MARK2: variants seen among roughly 807,000 people sequenced by gnomAD.
The protein encoded by MARK2 is microtubule affinity regulating kinase 2.
Under a neutral mutation model 89.8 loss-of-function variants are expected in MARK2, and 16 were observed. The ratio of observed to expected loss-of-function variants is 0.18; its 90% CI spans 0.12 to 0.27. The LOEUF is 0.27. Among genes scored for constraint, MARK2 ranks in the 10% least tolerant of loss-of-function variants. The probability of loss-of-function intolerance (pLI) is 1.00; values close to 1 mark genes in which losing one functional copy is unlikely to be tolerated. For synonymous variants in MARK2, 382 were observed against 399.5 expected, an observed-to-expected ratio of 0.96 and a Z score of 0.52; for missense variants, 621 against 1,049.9, an observed-to-expected ratio of 0.59 and a Z score of 5.65.
At chr11:63,856,321 GT>G (rs1358748879) in intron 1 of MARK2, among the ~76,000 whole-genome samples, 6,395 of 52,642 alleles carry the variant, frequency 0.12, 461 homozygotes, top group African/African-American at 0.26. Flanking sequence ...TTTTTTTTTT[GT>G]TTTTTTTTTT....
chr11:63,884,878 A>T lies in MARK2; in HGVS notation c.55-10281A>T, dbSNP rs141322074. Among the ~76,000 whole-genome samples the T allele has an allele frequency of 2.6e-3, 389 of 152,344 alleles. 1 individual carries two copies. Among genetic ancestry groups the T allele is most frequent in the Non-Finnish European group, 4.7e-3 (317 of 68,030 alleles). ...GATACAGTGAGGGAGGAAGGGTTAAAAAACAAAGGACTCCAACTCCCAGTT... is the reference window on the plus strand; with the variant it reads ...GATACAGTGAGGGAGGAAGGGTTAATAAACAAAGGACTCCAACTCCCAGTT... On this transcript the variant is annotated intron_variant, in intron 1 of 18. Transcript: ENST00000402010.
At chr11:63,867,690 G>A (rs950721721) in intron 1 of MARK2, among the ~76,000 whole-genome samples, 1 of 152,228 alleles carries the variant, frequency 6.6e-6, no homozygotes, top group African/African-American at 2.4e-5. Context: ...CTAAATGACT[G>A]GTTCTTCAGT....
chr11:63,871,603 C>G (rs1264801297), intron 1 of MARK2, among the ~76,000 whole-genome samples: 14 of 132,610 alleles, frequency 1.1e-4, no homozygotes, highest in Non-Finnish European at 2.1e-4. Context: ...GCACGTGTGG[C>G]TGAAGAGTAT....
At chr11:63,843,930 C>T (rs967095035) in intron 1 of MARK2, among the ~76,000 whole-genome samples, 1 of 152,114 alleles carries the variant, frequency 6.6e-6, no homozygotes, top group African/African-American at 2.4e-5. Context: ...GGCTAGCTAG[C>T]ATCTCAGTCC....
intron 7 of MARK2, 25 bp downstream of exon 7, chr11:63,899,133 C>T (rs1940656438): frequency 6.4e-7 from 1 of 1,551,456 alleles, no homozygotes; most frequent in Non-Finnish European, 8.9e-7. Context: ...TCTCCTTGTG[C>T]CTTTGAGTGG....
At chr11:63,868,537 A>G (rs539375114) in intron 1 of MARK2, 4 of 305,680 alleles carry the variant, frequency 1.3e-5, no homozygotes, top group Non-Finnish European at 6.6e-6. Flanking sequence ...ATGAGGGAGA[A>G]AATTTACACC....
intron 1 of MARK2, among the ~76,000 whole-genome samples, chr11:63,877,727 A>G (rs1441487321): frequency 6.6e-6 from 1 of 152,176 alleles, no homozygotes; most frequent in Non-Finnish European, 1.5e-5. Context: ...AGGTACACGT[A>G]ATGGAAAATG....
chr11:63,907,076 C>T (rs887702293), intron 17 of MARK2, among the ~76,000 whole-genome samples: 8 of 152,100 alleles, frequency 5.3e-5, no homozygotes, highest in Non-Finnish European at 1.5e-5. Context: ...CTGCAGGCCT[C>T]GGGGACCAAA....
At chr11:63,905,879 C>T (rs904289394) in intron 16 of MARK2, among the ~76,000 whole-genome samples, 25 of 152,172 alleles carry the variant, frequency 1.6e-4, no homozygotes, top group South Asian at 6.2e-4. Flanking sequence ...CTGCCCCATC[C>T]GAGCCCCAGA....
intron 1 of MARK2, chr11:63,880,121 AGTTTTTTTTTT>A (rs887544122): frequency 8.8e-6 from 1 of 113,766 alleles, no homozygotes; most frequent in Admixed American, 1.1e-4. Context: ...ATAAATGCTG[AGTTTTTTTTTT>A]GTTTTTTTTT....
At chr11:63,867,269 C>A (rs1357220726) in intron 1 of MARK2, among the ~76,000 whole-genome samples, 2 of 152,222 alleles carry the variant, frequency 1.3e-5, no homozygotes, top group Admixed American at 6.5e-5. Flanking sequence ...CTCAAGTGAT[C>A]CGCCTGCCTC....
intron 1 of MARK2, among the ~76,000 whole-genome samples, chr11:63,880,939 A>C (rs560938814): frequency 6.6e-6 from 1 of 152,146 alleles, no homozygotes; most frequent in South Asian, 2.1e-4. Flanking sequence ...TTTCTTATGT[A>C]TTCATTTGTG....
At chr11:63,852,302 A>G (rs1014581218) in intron 1 of MARK2, among the ~76,000 whole-genome samples, 4 of 152,188 alleles carry the variant, frequency 2.6e-5, no homozygotes, top group Non-Finnish European at 4.4e-5. Context: ...TATAACTGCT[A>G]TCATCTTTTT....
At chr11:63,855,638 G>A (rs1381518522) in intron 1 of MARK2, among the ~76,000 whole-genome samples, 1 of 151,986 alleles carries the variant, frequency 6.6e-6, no homozygotes, top group African/African-American at 2.4e-5. Flanking sequence ...ACCACTTGTT[G>A]AATTTTGGTG....
chr11:63,892,390 G>T (rs904611663), intron 1 of MARK2, among the ~76,000 whole-genome samples: 1 of 152,290 alleles, frequency 6.6e-6, no homozygotes, highest in East Asian at 1.9e-4. Flanking sequence ...TGTCGTTTCT[G>T]CCTGAAAAGC....
At chr11:63,887,015 T>TG (rs1175972285) in intron 1 of MARK2, among the ~76,000 whole-genome samples, 2 of 152,180 alleles carry the variant, frequency 1.3e-5, no homozygotes, top group African/African-American at 2.4e-5. Context: ...GGCCCACTTT[T>TG]GGGGGGCTGG....
At chr11:63,846,405 G>T (rs1483556211) in intron 1 of MARK2, among the ~76,000 whole-genome samples, 1 of 151,948 alleles carries the variant, frequency 6.6e-6, no homozygotes, top group Admixed American at 6.6e-5. Flanking sequence ...GCCCAGGCTG[G>T]AGTGCAGTGG....
chr11:63,872,669 C>T (rs775248812), intron 1 of MARK2, among the ~76,000 whole-genome samples: 7 of 152,090 alleles, frequency 4.6e-5, no homozygotes, highest in Non-Finnish European at 8.8e-5. Flanking sequence ...GGGACCAACC[C>T]GCTTCTACCG....
chr11:63,879,575 GT>G (rs1164982594), intron 1 of MARK2, among the ~76,000 whole-genome samples: 13 of 151,624 alleles, frequency 8.6e-5, no homozygotes, highest in South Asian at 6.2e-4. Flanking sequence ...CTCCTGCTTG[GT>G]TTTTTAATGA....
Sources: gnomAD v4.1 joint callset for allele counts (sites outside exome capture counted in the v4.1 genomes callset) on GRCh38, gnomAD v4.1.1 for gene constraint, MANE v1.5 for transcripts, NCBI Gene and HGNC (gene_info 2026-07-23, HGNC 2026-07-21) for gene names.